RGS3: variants seen among roughly 807,000 people sequenced by gnomAD.
RGS3 encodes the protein regulator of G protein signaling 3.
A neutral mutation model predicts 132.6 loss-of-function variants in RGS3; 80 were observed. The ratio of observed to expected loss-of-function variants is 0.60; its 90% confidence interval spans 0.50 to 0.73. RGS3 has a LOEUF of 0.73. Ranked by LOEUF, RGS3 falls within the 30% of genes least tolerant of loss-of-function variation. RGS3 has a pLI of 0.00. For missense variants in RGS3, 1,382 were observed against 1,530.8 expected (o/e 0.90, Z 1.62); for synonymous variants, 598 against 620.6 (o/e 0.96, Z 0.54).
In RGS3 at chr9:113,506,538, C is replaced by A; in HGVS notation, c.1085+45C>A. The A allele has an allele frequency of 1.6e-6, 2 of 1,265,540 alleles. No individual in the cohort carries two copies. The highest frequency in any genetic ancestry group is 2.3e-6 in the Non-Finnish European group (2 of 886,050). The allele number at this position is 1,265,540 out of a possible 1,614,324, so 78.4% of individuals were successfully genotyped here. A position where few individuals can be genotyped will look rare whatever the true frequency, so the allele number is the denominator to read the frequency against. On this transcript the variant is annotated intron_variant, in intron 12 of 24. Coordinates refer to ENST00000350696, the Ensembl canonical transcript of RGS3. This position sits in a 1 kb window ranked among gnomAD's most constrained non-coding sequence, Gnocchi z 4.7. ...GGCCTGGGGCCTCAGGCTGATGGCA[C>A]ACCCTCCCCACCCCTGGGCACACTG... is the stretch of plus-strand genomic sequence containing the variant.
At chr9:113,505,073 A>G (rs557237357) in intron 10 of RGS3, 21 of 227,252 alleles carry the variant, frequency 9.2e-5, no homozygotes, top group African/African-American at 4.6e-4. Flanking sequence ...GAAGGGAGCC[A>G]GGAAAACAGT....
intron 17 of RGS3, 96 bp from the exon 16 acceptor site, chr9:113,529,125 A>G (rs1166163462): frequency 5.3e-6 from 5 of 951,320 alleles, no homozygotes; most frequent in Non-Finnish European, 8.6e-6. Flanking sequence ...GGTGCCACAC[A>G]CAGCCTTCTG....
Position 113,525,655 on chromosome 9 carries a change from A to G in RGS3, c.1870+2614A>G, listed in dbSNP as rs142419155. Among the ~76,000 whole-genome samples the G allele has an allele frequency of 7.3e-4, 111 of 152,250 alleles. 1 individual carries two copies. Among genetic ancestry groups the G allele is most frequent in the African/African-American group, 2.4e-3 (100 of 41,554 alleles). ...AGATGGCAAACAAGGAATGCACCCA[A>G]CCTTTCTGGCTGGTTGGGGCTGGCA... On this transcript the variant is annotated intron_variant, in intron 17 of 24. Coordinates refer to ENST00000350696, the Ensembl canonical transcript of RGS3.
In RGS3 at chr9:113,583,449, G is replaced by A. The variant is rs755346517; in HGVS notation, c.2038-1G>A. 6.2e-7 allele frequency: 1 copy of A among 1,614,060 alleles called. No individual in the cohort carries two copies. Among genetic ancestry groups the A allele is most frequent in the East Asian group, 2.2e-5 (1 of 44,888 alleles). ...GTTCTTGTTTTCTTTTTGTTTCCCA[G>A]ATGTTTGAGACGGAGGCAGATGAGA... On this transcript the variant is annotated splice_acceptor_variant, in intron 19 of 24. Coordinates refer to ENST00000350696, the Ensembl canonical transcript of RGS3. LOFTEE classifies it high-confidence loss of function.
In RGS3 at chr9:113,514,570, T is replaced by C. The variant is rs1831558648; in HGVS notation, c.1590T>C (p.Val530=). Reference sequence around the variant, plus strand: ...ACGGGAACTACCAAAACTGCCCGGTTGTGAGGCCGCATGCCACGCACTCAA... The same window carrying C: ...ACGGGAACTACCAAAACTGCCCGGTCGTGAGGCCGCATGCCACGCACTCAA... The change falls in exon 15 of 25, where the codon GTT becomes GTC. Residue 530 remains valine, a synonymous_variant. Coordinates refer to ENST00000350696, the Ensembl canonical transcript of RGS3. 4.3e-6 allele frequency: 7 copies of C among 1,614,162 alleles called. No homozygotes were observed. In the East Asian group the frequency reaches 1.6e-4, roughly 36 times the overall value.
rs754128537 is a variant in RGS3 at position 113,537,015 on chromosome 9, G to T, written c.2037+97G>T. 9.7e-5 allele frequency: 119 copies of T among 1,225,310 alleles called. No homozygotes were observed. Among genetic ancestry groups the T allele is most frequent in the Non-Finnish European group, 1.3e-4 (115 of 872,160 alleles). 75.9% of individuals were successfully genotyped at this position (1,225,310 alleles called of 1,614,324 possible). On this transcript the variant is annotated intron_variant, in intron 19 of 24. Transcript: ENST00000350696. This position sits in a 1 kb window ranked among gnomAD's most constrained non-coding sequence, Gnocchi z 4.3. Reference sequence around the variant, plus strand: ...TGCATTGAGCTGGGGGCCAGCCTGAGCTTCCAACTTGGCTCTGGGCAATGA... The same window carrying T: ...TGCATTGAGCTGGGGGCCAGCCTGATCTTCCAACTTGGCTCTGGGCAATGA...
chr9:113,595,156 A>G (rs1835697341), intron 23 of RGS3, 176 bp downstream of exon 21: 1 of 636,914 alleles, frequency 1.6e-6, no homozygotes, highest in Admixed American at 2.8e-5. Context: ...CTGGCCTTGG[A>G]GCCAGCTTCT....
intron 18 of RGS3, among the ~76,000 whole-genome samples, chr9:113,531,755 T>C (rs1832476890): frequency 6.6e-6 from 1 of 152,192 alleles, no homozygotes; most frequent in Admixed American, 6.5e-5. Context: ...CGAGACCTCC[T>C]GGGGCCAGTG....
intron 8 of RGS3, 33 bp downstream of exon 6, chr9:113,495,879 C>T: frequency 6.3e-7 from 1 of 1,577,910 alleles, no homozygotes; most frequent in East Asian, 2.2e-5. Context: ...TCAGGATCAT[C>T]CCAACTGGGC....
chr9:113,594,731 G>T (rs574141099), intron 22 of RGS3, among the ~76,000 whole-genome samples, 188 bp from the exon 21 acceptor site: 1 of 152,218 alleles, frequency 6.6e-6, no homozygotes, highest in Admixed American at 6.5e-5. Flanking sequence ...AAGGCTAGGT[G>T]GGGTGGAGAT....
chr9:113,491,201 A>T (rs1564479740), intron 7 of RGS3, among the ~76,000 whole-genome samples: 1 of 146,618 alleles, frequency 6.8e-6, no homozygotes, highest in Non-Finnish European at 1.5e-5. Context: ...ATATGTAAAC[A>T]TTATTTATAT....
chr9:113,446,164 A>G (rs1172208852), intron 1 of RGS3, among the ~76,000 whole-genome samples: 6 of 152,194 alleles, frequency 3.9e-5, no homozygotes, highest in African/African-American at 1.4e-4. Flanking sequence ...GATAGAAATG[A>G]TTAGAAGTCC....
intron 3 of RGS3, among the ~76,000 whole-genome samples, chr9:113,469,219 A>G: frequency 6.6e-6 from 1 of 152,062 alleles, no homozygotes; most frequent in Admixed American, 6.5e-5. Context: ...TGTGTTGGGC[A>G]GTGCACGGTC....
intron 16 of RGS3, among the ~76,000 whole-genome samples, chr9:113,520,692 C>G (rs1195893288): frequency 6.6e-6 from 1 of 151,980 alleles, no homozygotes; most frequent in Admixed American, 6.5e-5. Context: ...TGAGGGTTTG[C>G]TTTGTGTTTC....
At chr9:113,540,002 G>A (rs890103376) in intron 19 of RGS3, among the ~76,000 whole-genome samples, 3 of 151,950 alleles carry the variant, frequency 2.0e-5, no homozygotes, top group East Asian at 1.9e-4. Flanking sequence ...TGTGATTTTC[G>A]TGAAAGCTGA....
intron 16 of RGS3, among the ~76,000 whole-genome samples, chr9:113,518,757 TAAC>T (rs1831798919): frequency 1.3e-5 from 2 of 152,126 alleles, no homozygotes; most frequent in Non-Finnish European, 2.9e-5. Context: ...TTTGGGAACT[TAAC>T]AATCTTTGCA....
chr9:113,521,909 A>G (rs569236232), intron 16 of RGS3, among the ~76,000 whole-genome samples: 1 of 152,228 alleles, frequency 6.6e-6, no homozygotes, highest in Non-Finnish European at 1.5e-5. Context: ...CAGAAGAGAC[A>G]AGGTGTCAGG....
chr9:113,544,281 C>T lies in RGS3; in HGVS notation c.2037+7363C>T, dbSNP rs1457565303. The stretch of plus-strand genomic sequence containing the variant: ...TTTAGTTCCCCACACACCCCCGACC[C>T]TCTGATCCCATTTTCATGTTTTTTT... On this transcript the variant is annotated intron_variant, in intron 19 of 24. Transcript: ENST00000350696. 1.4e-4 allele frequency among the ~76,000 whole-genome samples: 21 copies of T among 151,452 alleles called. No individual in the cohort carries two copies. In the East Asian group the frequency reaches 4.1e-3, roughly 29 times the overall value.
intron 19 of RGS3, among the ~76,000 whole-genome samples, chr9:113,549,459 A>G (rs1833242428): frequency 6.6e-6 from 1 of 150,684 alleles, no homozygotes; most frequent in African/African-American, 2.5e-5. Context: ...GTTTGTTTGA[A>G]TGCAGTTGAC....
Sources: gnomAD v4.1 joint callset for allele counts (sites outside exome capture counted in the v4.1 genomes callset) on GRCh38, gnomAD v4.1.1 for gene constraint, Gnocchi (gnomAD v3.1) non-coding constraint, MANE v1.5 for transcripts, NCBI Gene and HGNC (gene_info 2026-07-23, HGNC 2026-07-21) for gene names.